NBPF26: variants seen among roughly 807,000 people sequenced by gnomAD.
The protein encoded by NBPF26 is NBPF member 26, also known as NBPF family member NBPF26.
In NBPF26, 79 loss-of-function variants were observed where a neutral mutation model predicts 119.6. The observed-to-expected ratio is 0.66, with a 90% CI of 0.55 to 0.80. NBPF26 has a LOEUF of 0.80. NBPF26 is among the 30% of genes least tolerant of loss of function. The pLI, the probability that NBPF26 is intolerant of heterozygous loss-of-function variation, is 0.00. For synonymous variants in NBPF26, 299 were observed against 457.7 expected (o/e 0.65, Z 4.43); for missense variants, 800 against 1,198.2 (o/e 0.67, Z 4.91).
chr1:120,814,342 CCTGA>C (rs1177867036), intron 11 of NBPF26, among the ~76,000 whole-genome samples: 7 of 114,816 alleles, frequency 6.1e-5, no homozygotes, highest in Non-Finnish European at 1.0e-4. Flanking sequence ...AGAATCACCT[CCTGA>C]CTGACTGCGG....
chr1:120,777,679 G>A (rs1412998489), intron 2 of NBPF26, among the ~76,000 whole-genome samples: 1 of 70,796 alleles, frequency 1.4e-5, no homozygotes, highest in Non-Finnish European at 2.4e-5. Flanking sequence ...TGAGAGAAGG[G>A]GGGGTTGAGA....
chr1:120,783,513 A>C (rs1651388649), intron 2 of NBPF26, among the ~76,000 whole-genome samples: 1 of 47,044 alleles, frequency 2.1e-5, no homozygotes, highest in Non-Finnish European at 3.4e-5. Flanking sequence ...GCCTTAGAAA[A>C]ATTGAATAAT....
chr1:120,816,837 G>T lies in NBPF26; in HGVS notation c.2371+10G>T. The T allele has an allele frequency of 6.9e-7, 1 of 1,448,586 alleles. No individual in the cohort carries two copies. Among genetic ancestry groups the T allele is most frequent in the East Asian group, 2.3e-5 (1 of 43,750 alleles). The allele number at this position is 1,448,586 out of a possible 1,614,324, so 89.7% of individuals were successfully genotyped here. A position where few individuals can be genotyped will look rare whatever the true frequency, so the allele number is the denominator to read the frequency against. On this transcript the variant is annotated intron_variant, in intron 14 of 29. Coordinates refer to ENST00000620612, the Ensembl canonical transcript of NBPF26. The stretch of plus-strand genomic sequence containing the variant: ...GTACACATTATTCCAGGTAGCCTCT[G>T]TTTTCCTTGTGTCTCATACCTCTTT...
exon 30 of NBPF26, chr1:120,840,373 T>C: frequency 6.8e-7 from 1 of 1,460,190 alleles, no homozygotes; most frequent in South Asian, 1.2e-5. Flanking sequence ...CTGATGGAAG[T>C]GGAAGAGCCT....
Position 120,792,743 on chromosome 1 carries a change from G to A in NBPF26, c.416-418G>A, listed in dbSNP as rs1302087719. Among the ~76,000 whole-genome samples, 2 of 103,190 alleles carry A rather than the reference G, an allele frequency of 1.9e-5. 1 individual carries two copies. Among genetic ancestry groups the A allele is most frequent in the Non-Finnish European group, 3.6e-5 (2 of 55,394 alleles). 67.7% of individuals were successfully genotyped at this position (103,190 alleles called of 152,430 possible). A position where few individuals can be genotyped will look rare whatever the true frequency, so the allele number is the denominator to read the frequency against. ...TCTTGAACTCCTTACCTCATGATCT[G>A]CCTGCCTCGGCCTCCCAAAGTGCTG... On this transcript the variant is annotated intron_variant, in intron 3 of 29. Transcript: ENST00000620612.
Position 120,806,924 on chromosome 1 carries a change from A to T in NBPF26, c.962-683A>T, listed in dbSNP as rs1186134287. ...AATCTCCTTGAACATTAATTGGCAC[A>T]GTGTAAACACTATCTATTCTTCATT... On this transcript the variant is annotated intron_variant, in intron 5 of 29. Coordinates refer to ENST00000620612, the Ensembl canonical transcript of NBPF26. Among the ~76,000 whole-genome samples, 2 of 125,976 alleles carry T rather than the reference A, an allele frequency of 1.6e-5. 1 individual carries two copies. The highest frequency in any genetic ancestry group is 3.2e-5 in the Non-Finnish European group (2 of 61,800). The allele number at this position is 125,976 out of a possible 152,430, so 82.6% of individuals were successfully genotyped here. A position where few individuals can be genotyped will look rare whatever the true frequency, so the allele number is the denominator to read the frequency against.
chr1:120,815,515 CT>C (rs1651989206), intron 12 of NBPF26, among the ~76,000 whole-genome samples: 1 of 100,794 alleles, frequency 9.9e-6, no homozygotes, highest in African/African-American at 7.0e-5. Flanking sequence ...CTTACAACTG[CT>C]TTCCAAAATG....
In NBPF26 at chr1:120,840,061, T is replaced by G. The variant is rs1473984962; in HGVS notation, c.4104-289T>G. On this transcript the variant is annotated intron_variant, in intron 29 of 29. Coordinates refer to ENST00000620612, the Ensembl canonical transcript of NBPF26. ...AGTTTGCTGTGTGTCATGAGGGCAC[T>G]AACTCAGAGTGTCCTTTGACTCCCT... 4.6e-4 allele frequency among the ~76,000 whole-genome samples: 30 copies of G among 65,666 alleles called. No individual in the cohort carries two copies. In the East Asian group the frequency reaches 0.01, roughly 22 times the overall value. 43.1% of individuals were successfully genotyped at this position (65,666 alleles called of 152,430 possible). A position where few individuals can be genotyped will look rare whatever the true frequency, so the allele number is the denominator to read the frequency against.
At position 120,779,999 on chromosome 1, in the gene NBPF26, T is replaced by G. The variant is rs1359534518; in HGVS notation, c.156-4975T>G. Among the ~76,000 whole-genome samples, 21 of 131,740 alleles carry G rather than the reference T, an allele frequency of 1.6e-4. 1 individual carries two copies. Among genetic ancestry groups the G allele is most frequent in the Non-Finnish European group, 2.6e-4 (16 of 62,178 alleles). 86.4% of individuals were successfully genotyped at this position (131,740 alleles called of 152,430 possible). A position where few individuals can be genotyped will look rare whatever the true frequency, so the allele number is the denominator to read the frequency against. ...GGATAATTCTGTACCTCAGGATGAC[T>G]ATTAGGTTGATTTGGCCTGTTATTC... On this transcript the variant is annotated intron_variant, in intron 2 of 29. Transcript: ENST00000620612.
At chr1:120,819,109 G>GT (rs1317977453) in intron 15 of NBPF26, among the ~76,000 whole-genome samples, 1 of 125,138 alleles carries the variant, frequency 8.0e-6, no homozygotes, top group Non-Finnish European at 1.6e-5. Context: ...ATTTTGTGGA[G>GT]TCTAAATCTC....
Position 120,823,861 on chromosome 1 carries a change from G to C in NBPF26, c.2640-113G>C, listed in dbSNP as rs1247431339. Reference sequence around the variant, plus strand: ...GCAATAATCTGTTACCTCATTAATGGATCTGTCCTTTTTCTTTTCAAACTC... The same window carrying C: ...GCAATAATCTGTTACCTCATTAATGCATCTGTCCTTTTTCTTTTCAAACTC... On this transcript the variant is annotated intron_variant, in intron 17 of 29. Coordinates refer to ENST00000620612, the Ensembl canonical transcript of NBPF26. 1.8e-5 allele frequency: 9 copies of C among 502,818 alleles called. 2 individuals carry two copies. Among genetic ancestry groups the C allele is most frequent in the Non-Finnish European group, 3.2e-5 (9 of 281,358 alleles). The allele number at this position is 502,818 out of a possible 1,614,324, so 31.1% of individuals were successfully genotyped here. A position where few individuals can be genotyped will look rare whatever the true frequency, so the allele number is the denominator to read the frequency against.
At chr1:120,770,589 T>C (rs1651252176) in intron 2 of NBPF26, among the ~76,000 whole-genome samples, 1 of 120,118 alleles carries the variant, frequency 8.3e-6, no homozygotes, top group East Asian at 2.1e-4. Flanking sequence ...TATTAGGGTC[T>C]GTTCTCAAGT....
chr1:120,779,474 G>A (rs1178877431), intron 2 of NBPF26, among the ~76,000 whole-genome samples: 1 of 117,706 alleles, frequency 8.5e-6, no homozygotes, highest in Non-Finnish European at 1.7e-5. Flanking sequence ...CAATGCTAGA[G>A]AAGAGAGAGT....
intron 4 of NBPF26, among the ~76,000 whole-genome samples, chr1:120,802,832 G>A (rs1553269134): frequency 9.2e-6 from 1 of 108,874 alleles, no homozygotes; most frequent in Non-Finnish European, 1.7e-5. Flanking sequence ...CCTTAAAAAG[G>A]GAAAGTGTTC....
exon 3 of NBPF26, chr1:120,785,228 T>A: frequency 6.9e-7 from 1 of 1,445,326 alleles, no homozygotes; most frequent in Admixed American, 1.9e-5. Flanking sequence ...CAAGTCGGGT[T>A]TACAGGTAAC....
Position 120,789,666 on chromosome 1 carries a change from C to G in NBPF26, c.416-3495C>G, listed in dbSNP as rs1470070427. On this transcript the variant is annotated intron_variant, in intron 3 of 29. Transcript: ENST00000620612. ...AGTTGAGATTTGGGTGGGGACACTA[C>G]CAAACCATATCATTCATCAAAAGGT... 2.9e-5 allele frequency among the ~76,000 whole-genome samples: 2 copies of G among 68,096 alleles called. 1 individual carries two copies. Among genetic ancestry groups the G allele is most frequent in the African/African-American group, 2.8e-4 (2 of 7,058 alleles). 44.7% of individuals were successfully genotyped at this position (68,096 alleles called of 152,430 possible).
In NBPF26 at chr1:120,724,182, C is replaced by A; in HGVS notation, c.5C>A (p.Pro2His). Residue 2 changes from proline (P) to histidine (H), a missense_variant, in exon 1 of 30, where the codon CCC becomes CAC. Coordinates refer to ENST00000620612, the Ensembl canonical transcript of NBPF26. ...GAGGAGGAGGCGACCGAGAAGATGC[C>A]CGCCCTGCGTCCCGCTCTGCTGTGG... is the stretch of plus-strand genomic sequence containing the variant. The A allele has an allele frequency of 1.4e-6, 2 of 1,393,354 alleles. 1 individual carries two copies. Among genetic ancestry groups the A allele is most frequent in the Non-Finnish European group, 1.9e-6 (2 of 1,064,602 alleles). 86.3% of individuals were successfully genotyped at this position (1,393,354 alleles called of 1,614,324 possible).
At chr1:120,798,630 T>TTTC (rs1651556986) in intron 4 of NBPF26, among the ~76,000 whole-genome samples, 1 of 17,164 alleles carries the variant, frequency 5.8e-5, no homozygotes, top group African/African-American at 2.2e-4. Context: ...TTTTCTTTTC[T>TTTC]TTTTTTTTTT....
intron 13 of NBPF26, 64 bp from the exon 14 acceptor site, chr1:120,816,558 C>T: frequency 1.4e-6 from 1 of 700,918 alleles, no homozygotes; most frequent in Non-Finnish European, 2.2e-6. Flanking sequence ...CCAGCTAGGA[C>T]TCCCTGGGGT....
Sources: gnomAD v4.1 joint callset for allele counts (sites outside exome capture counted in the v4.1 genomes callset) on GRCh38, gnomAD v4.1.1 for gene constraint, MANE v1.5 for transcripts, NCBI Gene and HGNC (gene_info 2026-07-23, HGNC 2026-07-21) for gene names.